CTBP2: variants seen among roughly 807,000 people sequenced by gnomAD.
The protein encoded by CTBP2 is C-terminal-binding protein 2.
A neutral mutation model predicts 80.3 loss-of-function variants in CTBP2; 30 were observed. The observed-to-expected ratio is 0.37, with a 90% confidence interval of 0.28 to 0.51. The LOEUF is 0.51. Among genes scored for constraint, CTBP2 ranks in the 20% least tolerant of loss-of-function variants. The pLI is 0.93. For synonymous variants in CTBP2, 594 were observed against 587.4 expected (o/e 1.01, Z -0.16); for missense variants, 1,212 against 1,375.3 (o/e 0.88, Z 1.88).
chr10:125,005,468 AT>A (rs1460795397), intron 1 of CTBP2: 20 of 1,417,544 alleles, frequency 1.4e-5, no homozygotes, highest in Non-Finnish European at 1.9e-5. Context: ...GCACTCCAAC[AT>A]CCTTCTGCAC....
At chr10:125,120,107 GGA>G (rs1483141746) in intron 1 of CTBP2, among the ~76,000 whole-genome samples, 19 of 152,348 alleles carry the variant, frequency 1.2e-4, no homozygotes, top group African/African-American at 4.6e-4. Flanking sequence ...TTGGTGGGCT[GGA>G]GAGACACAGC....
At chr10:125,096,389 A>G (rs567166926) in intron 2 of CTBP2, among the ~76,000 whole-genome samples, 83 of 152,362 alleles carry the variant, frequency 5.4e-4, no homozygotes, top group African/African-American at 1.9e-3. Context: ...TAACATAGTG[A>G]TAAAATCTCT....
At position 125,026,750 on chromosome 10, in the gene CTBP2, C is replaced by A; in HGVS notation, c.1010G>T (p.Gly337Val). Reference sequence around the variant, plus strand: ...CAGGCGGCTCAGAACACGGGCCTGGCCCAGGTTGGGTGCGACAGACTTGAT... The same window carrying A: ...CAGGCGGCTCAGAACACGGGCCTGGACCAGGTTGGGTGCGACAGACTTGAT... The change falls in exon 1 of 9, where the codon GGC becomes GTC. Residue 337 changes from glycine (G) to valine (V), a missense_variant. This residue lies in a region of CTBP2 where 848 missense variants were observed against 782.3 expected (regional missense o/e 1.08). Transcript: ENST00000309035. 6.2e-7 allele frequency: 1 copy of A among 1,613,012 alleles called. No individual in the cohort carries two copies. Among genetic ancestry groups the A allele is most frequent in the Non-Finnish European group, 8.5e-7 (1 of 1,179,950 alleles).
chr10:125,010,830 C>T (rs912356186), intron 1 of CTBP2, among the ~76,000 whole-genome samples: 1 of 152,124 alleles, frequency 6.6e-6, no homozygotes, highest in African/African-American at 2.4e-5. Flanking sequence ...TGTGCCATCA[C>T]CGTGTACATC....
chr10:125,023,183 A>C (rs990800662), intron 1 of CTBP2, among the ~76,000 whole-genome samples: 5 of 152,152 alleles, frequency 3.3e-5, no homozygotes, highest in African/African-American at 1.2e-4. Context: ...CAGGGGTCAC[A>C]TGTGCCCCCA....
chr10:124,994,325 G>A (rs1953153880), intron 5 of CTBP2, 144 bp downstream of exon 7: 1 of 835,562 alleles, frequency 1.2e-6, no homozygotes. Context: ...CACGTGGCTT[G>A]TCACTGGTTT....
chr10:125,012,876 G>C (rs11599502), intron 1 of CTBP2, among the ~76,000 whole-genome samples: 15,119 of 97,238 alleles, frequency 0.16, 885 homozygotes, highest in South Asian at 0.29. Context: ...CACCGCGCCC[G>C]GCCAAAAGAA....
At chr10:125,005,563 T>C in intron 1 of CTBP2, 1 of 1,611,470 alleles carries the variant, frequency 6.2e-7, no homozygotes, top group Non-Finnish European at 8.5e-7. Flanking sequence ...ACGACCTGTA[T>C]GAGTGGACAG....
At chr10:125,029,505 C>T (rs558740521), upstream of CTBP2, among the ~76,000 whole-genome samples, 1 of 152,270 alleles carries the variant, frequency 6.6e-6, no homozygotes, top group Admixed American at 6.5e-5. Flanking sequence ...GGTGATCCAC[C>T]CACCTCAGCC....
At chr10:125,008,067 C>A (rs1306564498) in intron 1 of CTBP2, among the ~76,000 whole-genome samples, 3 of 152,154 alleles carry the variant, frequency 2.0e-5, no homozygotes, top group African/African-American at 7.2e-5. Flanking sequence ...CTGCCTTAGC[C>A]TCCCAAATAG....
At chr10:125,062,387 T>A (rs1299426055) in intron 2 of CTBP2, among the ~76,000 whole-genome samples, 1 of 152,136 alleles carries the variant, frequency 6.6e-6, no homozygotes, top group Non-Finnish European at 1.5e-5. Context: ...GCACGTGAAA[T>A]GAGGGTGATG....
intron 1 of CTBP2, among the ~76,000 whole-genome samples, chr10:125,137,123 C>T (rs1317019850): frequency 6.6e-6 from 1 of 152,220 alleles, no homozygotes; most frequent in Non-Finnish European, 1.5e-5. Flanking sequence ...TCTGTATCAA[C>T]AAAATCACAA....
At position 125,051,673 on chromosome 10, in the gene CTBP2, AG is replaced by A. The variant is rs1285957286; in HGVS notation, c.-101-12519del. Among the ~76,000 whole-genome samples the A allele has an allele frequency of 4.8e-3, 714 of 148,650 alleles. 4 individuals are homozygous for A. Among genetic ancestry groups the A allele is most frequent in the African/African-American group, 0.017 (688 of 39,850 alleles). ...AACCAACCAACCAAAAAAAAAAAAA[AG>A]AAACCTTTTCAATTAAATGCCCACA... On this transcript the variant is annotated intron_variant, in intron 2 of 10. Transcript: ENST00000337195.
rs74163312 is a variant in CTBP2 at position 125,022,627 on chromosome 10, C to T, written c.1678+3455G>A. Among the ~76,000 whole-genome samples, 460 of 152,324 alleles carry T rather than the reference C, an allele frequency of 3.0e-3. 2 individuals carry two copies. Among genetic ancestry groups the T allele is most frequent in the African/African-American group, 0.01 (421 of 41,560 alleles). On this transcript the variant is annotated intron_variant, in intron 1 of 8. Transcript: ENST00000309035. The stretch of plus-strand genomic sequence containing the variant: ...GGACTCAGGGGTCCTGGGGGCAGCC[C>T]GGAAGAGGTTTCCTTGCTCCCTTAC...
intron 1 of CTBP2, among the ~76,000 whole-genome samples, chr10:125,134,570 C>T (rs1856665510): frequency 6.6e-6 from 1 of 152,202 alleles, no homozygotes; most frequent in Admixed American, 6.5e-5. Context: ...GAGCACTCTG[C>T]CAGGCAGGAC....
At chr10:125,056,365 TGGA>T (rs1416670935) in intron 2 of CTBP2, among the ~76,000 whole-genome samples, 1 of 152,148 alleles carries the variant, frequency 6.6e-6, no homozygotes, top group Non-Finnish European at 1.5e-5. Flanking sequence ...GTGCACGCCA[TGGA>T]GGAGGACACG....
intron 2 of CTBP2, among the ~76,000 whole-genome samples, chr10:125,070,434 G>A (rs1845293560): frequency 1.3e-5 from 2 of 152,096 alleles, no homozygotes; most frequent in South Asian, 2.1e-4. Flanking sequence ...GCTCATGCCT[G>A]TAATCCCAGA....
intron 1 of CTBP2, among the ~76,000 whole-genome samples, chr10:125,008,271 G>A (rs4962720): frequency 2.0e-5 from 3 of 151,942 alleles, no homozygotes; most frequent in Non-Finnish European, 4.4e-5. Context: ...TTTTTAAAAC[G>A]CACTAGATTT....
chr10:124,993,314 C>A lies in CTBP2; in HGVS notation c.2547G>T (p.Pro849=). The change falls in exon 7 of 9, where the codon CCG becomes CCT. Residue 849 remains proline (P), a synonymous_variant. Coordinates refer to ENST00000309035, the MANE Select transcript of CTBP2 (RefSeq NM_022802.3). ...AGATGAGATTCGGGGCATCTTTCAA[C>A]GGACCCTGAGCAAAGCTAGAAAAAT... The A allele has an allele frequency of 4.4e-6, 7 of 1,608,628 alleles. No individual in the cohort carries two copies. The highest frequency in any genetic ancestry group is 6.0e-6 in the Non-Finnish European group (7 of 1,175,642).
Sources: gnomAD v4.1 joint callset for allele counts (sites outside exome capture counted in the v4.1 genomes callset) on GRCh38, gnomAD v4.1.1 for gene constraint, gnomAD v4.1.1 regional missense constraint, MANE v1.5 for transcripts, NCBI Gene and HGNC (gene_info 2026-07-23, HGNC 2026-07-21) for gene names.